The following PARL variants were observed in gnomAD, a reference collection of about 807,000 sequenced individuals.
PARL encodes presenilin associated rhomboid like, also known as presenilin-associated rhomboid-like protein, mitochondrial.
In PARL, 44 loss-of-function variants were observed where a neutral mutation model predicts 51.6. That is an observed-to-expected ratio of 0.85 (90% CI 0.67 to 1.10). The LOEUF (loss-of-function observed/expected upper bound fraction) is 1.10, where lower values mean the gene tolerates loss of function less well. PARL is among the 50% of genes least tolerant of loss of function. The pLI, the probability that PARL is intolerant of heterozygous loss-of-function variation, is 0.00. For missense variants in PARL, 441 were observed against 469.5 expected, an observed-to-expected ratio of 0.94 and a Z score of 0.56; for synonymous variants, 172 against 164.0, an observed-to-expected ratio of 1.05 and a Z score of -0.37.
At chr3:183,834,896 A>C (rs1293476282) in intron 7 of PARL, among the ~76,000 whole-genome samples, 1 of 150,384 alleles carries the variant, frequency 6.6e-6, no homozygotes, top group African/African-American at 2.4e-5. Context: ...CAAAAAAAAA[A>C]AAAAAAAAAA....
intron 1 of PARL, among the ~76,000 whole-genome samples, chr3:183,880,627 C>T (rs1015878791): frequency 1.3e-5 from 2 of 152,030 alleles, no homozygotes; most frequent in Admixed American, 1.3e-4. Flanking sequence ...GTCTCGAACT[C>T]CTGACCTCAG....
chr3:183,847,542 C>T (rs1349560265), intron 4 of PARL, among the ~76,000 whole-genome samples: 4 of 150,848 alleles, frequency 2.7e-5, no homozygotes, highest in African/African-American at 4.9e-5. Context: ...CCAGTCTGGG[C>T]GACAGAGGGA....
At chr3:183,854,015 G>T (rs781237656) in intron 4 of PARL, among the ~76,000 whole-genome samples, 1 of 152,080 alleles carries the variant, frequency 6.6e-6, no homozygotes, top group African/African-American at 2.4e-5. Context: ...GAGGCAAGTG[G>T]ATCACCTGAG....
chr3:183,859,557 C>T (rs1487215747), intron 4 of PARL, among the ~76,000 whole-genome samples: 5 of 152,080 alleles, frequency 3.3e-5, no homozygotes, highest in African/African-American at 1.2e-4. Context: ...GGCTGGTCTC[C>T]AACTCCTGAC....
intron 1 of PARL, among the ~76,000 whole-genome samples, chr3:183,882,077 G>A (rs1734495254): frequency 6.6e-6 from 1 of 150,886 alleles, no homozygotes; most frequent in African/African-American, 2.4e-5. Flanking sequence ...GGTGGTGCAT[G>A]CCTGTAATCC....
At chr3:183,867,131 C>G (rs1560419552) in intron 2 of PARL, among the ~76,000 whole-genome samples, 1 of 151,986 alleles carries the variant, frequency 6.6e-6, no homozygotes, top group Non-Finnish European at 1.5e-5. Flanking sequence ...CCAGAGGGGT[C>G]TCGAACTCCT....
intron 4 of PARL, among the ~76,000 whole-genome samples, chr3:183,853,591 A>C (rs76091317): frequency 6.6e-6 from 1 of 150,760 alleles, no homozygotes; most frequent in Non-Finnish European, 1.5e-5. Flanking sequence ...ACTCAACAAC[A>C]AAAAAAAATC....
At chr3:183,858,321 G>C (rs1461291207) in intron 4 of PARL, among the ~76,000 whole-genome samples, 2 of 152,126 alleles carry the variant, frequency 1.3e-5, no homozygotes, top group African/African-American at 4.8e-5. Context: ...CAAGGAGAGA[G>C]AGAACTGAAA....
intron 3 of PARL, among the ~76,000 whole-genome samples, chr3:183,864,667 T>C (rs1732240507): frequency 1.3e-5 from 2 of 151,732 alleles, no homozygotes; most frequent in African/African-American, 2.4e-5. Context: ...TCCCAGCTAC[T>C]CCGGAGGCTG....
chr3:183,846,530 T>C, intron 4 of PARL: 8 of 983,714 alleles, frequency 8.1e-6, no homozygotes, highest in Non-Finnish European at 9.6e-6. Flanking sequence ...ACCAAAGACA[T>C]TGAGGTTAAC....
At position 183,853,500 on chromosome 3, in the gene PARL, CGAG is replaced by C. The variant is rs375368192; in HGVS notation, c.512-9177_512-9175del. Among the ~76,000 whole-genome samples the C allele has an allele frequency of 5.3e-3, 801 of 151,982 alleles. 7 individuals are homozygous for C. The highest frequency in any genetic ancestry group is 0.018 in the African/African-American group (746 of 41,444). On this transcript the variant is annotated intron_variant, in intron 4 of 9. Transcript: ENST00000317096. ...CCAGGAGATGGAGATTGCAGTGAGC[CGAG>C]ATCGCTCCACTGCACTCTGGTCTGG...
At chr3:183,849,383 A>G (rs913340012) in intron 4 of PARL, among the ~76,000 whole-genome samples, 3 of 152,246 alleles carry the variant, frequency 2.0e-5, no homozygotes, top group Non-Finnish European at 4.4e-5. Context: ...AAATAAATTC[A>G]GAAAATTCAC....
chr3:183,858,391 G>A (rs1017435136), intron 4 of PARL, among the ~76,000 whole-genome samples: 7 of 152,218 alleles, frequency 4.6e-5, no homozygotes, highest in Admixed American at 1.3e-4. Flanking sequence ...GACTTTAGAA[G>A]TTGGGGCAAG....
intron 7 of PARL, among the ~76,000 whole-genome samples, chr3:183,835,984 G>A (rs1487333171): frequency 6.6e-6 from 1 of 152,046 alleles, no homozygotes; most frequent in East Asian, 1.9e-4. Flanking sequence ...TTGGGAGGCT[G>A]AGGCGGGCAG....
chr3:183,829,331 A>C lies in PARL; in HGVS notation c.*267T>G, dbSNP rs925951655. 2.9e-5 allele frequency: 35 copies of C among 1,224,226 alleles called. No individual in the cohort carries two copies. Among genetic ancestry groups the C allele is most frequent in the Non-Finnish European group, 3.3e-5 (31 of 931,998 alleles). 75.8% of individuals were successfully genotyped at this position (1,224,226 alleles called of 1,614,324 possible). A position where few individuals can be genotyped will look rare whatever the true frequency, so the allele number is the denominator to read the frequency against. ...TCTCCCCAGGTCCTGTCAATGCAACAACCAAAGCAAAATGCCAGAGCCGTG... is the reference window on the plus strand; with the variant it reads ...TCTCCCCAGGTCCTGTCAATGCAACCACCAAAGCAAAATGCCAGAGCCGTG... On this transcript the variant is annotated 3_prime_UTR_variant, in exon 10 of 10. Coordinates refer to ENST00000317096, the MANE Select transcript of PARL (RefSeq NM_018622.7).
chr3:183,883,167 G>A (rs1227457971), intron 1 of PARL, among the ~76,000 whole-genome samples: 1 of 152,088 alleles, frequency 6.6e-6, no homozygotes, highest in African/African-American at 2.4e-5. Flanking sequence ...TTTTACTAGA[G>A]GCTCATTAGT....
At chr3:183,868,317 T>C (rs759693145) in intron 1 of PARL, among the ~76,000 whole-genome samples, 1 of 152,174 alleles carries the variant, frequency 6.6e-6, no homozygotes, top group African/African-American at 2.4e-5. Context: ...ACAAAATAAT[T>C]TGTATCCATT....
Position 183,834,614 on chromosome 3 carries a change from T to G in PARL, c.829-789A>C, listed in dbSNP as rs574951410. The stretch of plus-strand genomic sequence containing the variant: ...GAAGGAGTGACCACTAGGAAGCTTT[T>G]GGGATGAATATGTCCATGATCTTGA... On this transcript the variant is annotated intron_variant, in intron 7 of 9. Transcript: ENST00000317096. 2.1e-4 allele frequency among the ~76,000 whole-genome samples: 32 copies of G among 152,258 alleles called. No individual in the cohort carries two copies. In the South Asian group the frequency reaches 6.2e-3, roughly 30 times the overall value.
At chr3:183,882,853 T>C (rs555294463) in intron 1 of PARL, among the ~76,000 whole-genome samples, 34 of 152,296 alleles carry the variant, frequency 2.2e-4, no homozygotes, top group Middle Eastern at 6.8e-3. Flanking sequence ...GGCCTATTAT[T>C]AATACATCAA....
Sources: gnomAD v4.1 joint callset for allele counts (sites outside exome capture counted in the v4.1 genomes callset) on GRCh38, gnomAD v4.1.1 for gene constraint, MANE v1.5 for transcripts, NCBI Gene and HGNC (gene_info 2026-07-23, HGNC 2026-07-21) for gene names.